PPM1H: variants seen among roughly 807,000 people sequenced by gnomAD.
PPM1H encodes the protein protein phosphatase 1H.
In PPM1H, 27 loss-of-function variants were observed where a neutral mutation model predicts 54.9. That is an observed-to-expected ratio of 0.49 (90% CI 0.36 to 0.68). The LOEUF (loss-of-function observed/expected upper bound fraction) is 0.68, where lower values mean the gene tolerates loss of function less well. Ranked by LOEUF, PPM1H falls within the 30% of genes least tolerant of loss-of-function variation. The pLI, the probability that PPM1H is intolerant of heterozygous loss-of-function variation, is 0.00. For missense variants in PPM1H, 596 were observed against 667.8 expected, an observed-to-expected ratio of 0.89 and a Z score of 1.19; for synonymous variants, 305 against 270.8, an observed-to-expected ratio of 1.13 and a Z score of -1.24.
chr12:62,927,609 C>T (rs1318652221), intron 1 of PPM1H, among the ~76,000 whole-genome samples: 1 of 151,050 alleles, frequency 6.6e-6, no homozygotes, highest in Non-Finnish European at 1.5e-5. Flanking sequence ...TTGCAGTAAG[C>T]CGAGATCGTA....
chr12:62,864,509 A>G (rs1409560148), intron 1 of PPM1H, among the ~76,000 whole-genome samples: 1 of 152,218 alleles, frequency 6.6e-6, no homozygotes, highest in Non-Finnish European at 1.5e-5. Context: ...GGATTGCAGG[A>G]TATTTAGCAT....
At chr12:62,869,949 C>T (rs1703791514) in intron 1 of PPM1H, among the ~76,000 whole-genome samples, 1 of 152,072 alleles carries the variant, frequency 6.6e-6, no homozygotes, top group African/African-American at 2.4e-5. Context: ...AGAGGCCTTC[C>T]CAATCCTTCA....
At chr12:62,886,300 G>A (rs773364951) in intron 1 of PPM1H, among the ~76,000 whole-genome samples, 7 of 152,170 alleles carry the variant, frequency 4.6e-5, no homozygotes, top group Non-Finnish European at 7.3e-5. Context: ...CTGTTAATTG[G>A]AGATACCCTC....
At chr12:62,839,872 T>C (rs1272878889) in intron 1 of PPM1H, among the ~76,000 whole-genome samples, 6 of 110,634 alleles carry the variant, frequency 5.4e-5, no homozygotes, top group Non-Finnish European at 1.1e-4. Flanking sequence ...ATCCTGTTTC[T>C]ACAAAAAAAA....
intron 1 of PPM1H, among the ~76,000 whole-genome samples, chr12:62,871,511 CTTTT>C (rs375570472): frequency 5.9e-5 from 7 of 119,106 alleles, no homozygotes; most frequent in Non-Finnish European, 7.0e-5. Flanking sequence ...AACTGTGGTA[CTTTT>C]TTTTTTTTTT....
intron 2 of PPM1H, among the ~76,000 whole-genome samples, chr12:62,804,970 C>G (rs1454855337): frequency 1.3e-5 from 2 of 152,130 alleles, no homozygotes; most frequent in Non-Finnish European, 2.9e-5. Flanking sequence ...CCACCGCGCC[C>G]GGCCCATTTT....
intron 1 of PPM1H, among the ~76,000 whole-genome samples, chr12:62,877,520 C>T (rs566919036): frequency 4.6e-5 from 7 of 152,268 alleles, no homozygotes; most frequent in African/African-American, 1.7e-4. Context: ...TTGAGCTTAC[C>T]AACTCTGCTG....
rs536253913 is a variant in PPM1H, at chr12:62,670,081, G to A, written c.1246-2752C>T. Among the ~76,000 whole-genome samples the A allele has an allele frequency of 6.3e-3, 856 of 136,466 alleles. 6 individuals are homozygous for A. The highest frequency in any genetic ancestry group is 0.016 in the Middle Eastern group (4 of 258). The allele number at this position is 136,466 out of a possible 152,430, so 89.5% of individuals were successfully genotyped here. A position where few individuals can be genotyped will look rare whatever the true frequency, so the allele number is the denominator to read the frequency against. ...CAACCTCTGCCTCCCAGGTTGAAGCGATTCTCCTGCTTCAGCCTCCCTAGT... is the reference window on the plus strand; with the variant it reads ...CAACCTCTGCCTCCCAGGTTGAAGCAATTCTCCTGCTTCAGCCTCCCTAGT... On this transcript the variant is annotated intron_variant, in intron 8 of 9. Transcript: ENST00000228705.
At chr12:62,694,360 G>A (rs1333227303) in intron 6 of PPM1H, among the ~76,000 whole-genome samples, 2 of 152,164 alleles carry the variant, frequency 1.3e-5, no homozygotes, top group African/African-American at 4.8e-5. Context: ...AGAGATGAAT[G>A]GAGTGTGAAA....
chr12:62,712,712 G>A (rs1489158968), intron 6 of PPM1H, among the ~76,000 whole-genome samples: 1 of 152,174 alleles, frequency 6.6e-6, no homozygotes, highest in African/African-American at 2.4e-5. Context: ...GGCTAATAAC[G>A]CTGAGCTAAT....
chr12:62,795,459 T>A (rs969054839), intron 3 of PPM1H, among the ~76,000 whole-genome samples: 5 of 151,310 alleles, frequency 3.3e-5, no homozygotes, highest in Non-Finnish European at 7.4e-5. Flanking sequence ...ATATATATAT[T>A]TTTGAGACAG....
At chr12:62,690,115 C>A (rs747152347) in intron 7 of PPM1H, among the ~76,000 whole-genome samples, 4 of 152,144 alleles carry the variant, frequency 2.6e-5, no homozygotes, top group Non-Finnish European at 4.4e-5. Context: ...AACTCCAATG[C>A]ATGCGTGACG....
chr12:62,685,860 C>T (rs757055954), intron 8 of PPM1H, among the ~76,000 whole-genome samples: 5 of 151,996 alleles, frequency 3.3e-5, no homozygotes, highest in South Asian at 2.1e-4. Flanking sequence ...TATATCAAAA[C>T]GTTACACTAT....
chr12:62,774,906 G>A (rs780281554), intron 4 of PPM1H, among the ~76,000 whole-genome samples: 1 of 152,122 alleles, frequency 6.6e-6, no homozygotes, highest in African/African-American at 2.4e-5. Context: ...GAGTTCTGCC[G>A]CCGGCTATCT....
Position 62,802,002 on chromosome 12 carries a change from G to A in PPM1H, c.570C>T (p.Thr190=). The change falls in exon 3 of 10, where the codon ACC becomes ACT. Residue 190 remains threonine, a synonymous_variant. Coordinates refer to ENST00000228705, the MANE Select transcript of PPM1H (RefSeq NM_020700.2). ...TGTTCTCAGGCTCCTCCCCCAGGCA[G>A]GTAGGGGGCAGGACGGCGGAGTTCT... ...ILKNSAVLPP[T]CLGEEPENTP... The A allele has an allele frequency of 6.2e-7, 1 of 1,613,496 alleles. No homozygotes were observed. The highest frequency in any genetic ancestry group is 1.1e-5 in the South Asian group (1 of 91,048).
intron 1 of PPM1H, among the ~76,000 whole-genome samples, chr12:62,919,712 G>A (rs1305665298): frequency 6.6e-6 from 1 of 152,106 alleles, no homozygotes; most frequent in Non-Finnish European, 1.5e-5. Context: ...TGGGAACCAG[G>A]ACTTGAGGAA....
At chr12:62,674,480 T>C (rs1309129625) in intron 8 of PPM1H, among the ~76,000 whole-genome samples, 2 of 152,204 alleles carry the variant, frequency 1.3e-5, no homozygotes, top group Non-Finnish European at 2.9e-5. Flanking sequence ...ACACACTTCC[T>C]GCAGCCCTAT....
chr12:62,850,520 A>C (rs1035609004), intron 1 of PPM1H, among the ~76,000 whole-genome samples: 8 of 151,738 alleles, frequency 5.3e-5, no homozygotes, highest in African/African-American at 1.9e-4. Context: ...TTAAACAACT[A>C]TAGGACAAAA....
intron 1 of PPM1H, among the ~76,000 whole-genome samples, chr12:62,880,034 C>A (rs1870333440): frequency 6.6e-6 from 1 of 152,082 alleles, no homozygotes. Flanking sequence ...TTTTTCAAAA[C>A]CTACAAACTT....
Sources: allele counts gnomAD v4.1 joint callset (sites outside exome capture counted in the v4.1 genomes callset), GRCh38; gene constraint gnomAD v4.1.1; transcripts MANE v1.5; gene names NCBI Gene and HGNC (gene_info 2026-07-23, HGNC 2026-07-21).